The following ULK4 variants were observed in gnomAD, a reference collection of about 807,000 sequenced individuals.
ULK4 encodes unc-51 like kinase 4.
In ULK4, 133 loss-of-function variants were observed where a neutral mutation model predicts 160.6. The ratio of observed to expected loss-of-function variants is 0.83; its 90% CI spans 0.72 to 0.96. The LOEUF is 0.96. Ranked by LOEUF, ULK4 falls within the 40% of genes least tolerant of loss-of-function variation. ULK4 has a pLI of 0.00. For synonymous variants in ULK4, 534 were observed against 539.8 expected, an observed-to-expected ratio of 0.99 and a Z score of 0.15; for missense variants, 1,580 against 1,499.5, an observed-to-expected ratio of 1.05 and a Z score of -0.89.
intron 35 of ULK4, among the ~76,000 whole-genome samples, chr3:41,302,936 A>G (rs2079828431): frequency 6.6e-6 from 1 of 152,192 alleles, no homozygotes; most frequent in African/African-American, 2.4e-5. Context: ...ATTTTATAAT[A>G]TTAAATAATA....
At chr3:41,736,046 A>G (rs1376321297) in intron 22 of ULK4, among the ~76,000 whole-genome samples, 1 of 151,584 alleles carries the variant, frequency 6.6e-6, no homozygotes, top group Non-Finnish European at 1.5e-5. Flanking sequence ...GCTGTATAGT[A>G]TTCCATGGTG....
At position 41,264,336 on chromosome 3, in the gene ULK4, C is replaced by T. The variant is rs530229302; in HGVS notation, c.3679-14762G>A. ...CATGCCAGCGCCAGATCCCTAACCACGCTGACACAGTGCCTCCTCCCCTGC... is the reference window on the plus strand; with the variant it reads ...CATGCCAGCGCCAGATCCCTAACCATGCTGACACAGTGCCTCCTCCCCTGC... On this transcript the variant is annotated intron_variant, in intron 35 of 36. Transcript: ENST00000301831. Among the ~76,000 whole-genome samples, 6 of 152,344 alleles carry T rather than the reference C, an allele frequency of 3.9e-5. No individual in the cohort carries two copies. The South Asian group carries it at 8.3e-4, about 21-fold the overall frequency.
intron 30 of ULK4, among the ~76,000 whole-genome samples, chr3:41,643,654 A>C (rs2034342047): frequency 6.6e-6 from 1 of 152,138 alleles, no homozygotes; most frequent in African/African-American, 2.4e-5. Context: ...CTTTTGGCTT[A>C]GGATTGACTC....
At chr3:41,522,940 C>A (rs1575352280) in intron 32 of ULK4, among the ~76,000 whole-genome samples, 1 of 152,132 alleles carries the variant, frequency 6.6e-6, no homozygotes, top group African/African-American at 2.4e-5. Context: ...GAGACAGAGT[C>A]TTGCTCTATC....
Position 41,494,542 on chromosome 3 carries a change from C to T in ULK4, c.3227-31289G>A, listed in dbSNP as rs2084915309. ...CACAAGACAGGGATGCCCTCTCTCA[C>T]CACTCCTATTCAACATAGTGTTGGA... On this transcript the variant is annotated intron_variant, in intron 32 of 36. Coordinates refer to ENST00000301831, the MANE Select transcript of ULK4 (RefSeq NM_017886.4). Among the ~76,000 whole-genome samples, 4 of 151,510 alleles carry T rather than the reference C, an allele frequency of 2.6e-5. No individual in the cohort carries two copies. In the South Asian group the frequency reaches 8.4e-4, roughly 32 times the overall value.
intron 17 of ULK4, among the ~76,000 whole-genome samples, chr3:41,838,773 C>A (rs917328894): frequency 2.0e-5 from 3 of 152,194 alleles, no homozygotes; most frequent in Admixed American, 2.0e-4. Context: ...GGACGATAAA[C>A]AGACATCCAC....
At chr3:41,484,029 T>C (rs2125899477) in intron 32 of ULK4, among the ~76,000 whole-genome samples, 1 of 152,314 alleles carries the variant, frequency 6.6e-6, no homozygotes, top group African/African-American at 2.4e-5. Context: ...CAGAAGCTTG[T>C]GTCTTTTCTA....
intron 25 of ULK4, among the ~76,000 whole-genome samples, chr3:41,711,091 C>T (rs1171414988): frequency 6.6e-6 from 1 of 152,146 alleles, no homozygotes; most frequent in Non-Finnish European, 1.5e-5. Flanking sequence ...AGCCAGGGAG[C>T]TGCAAGGCTG....
chr3:41,835,729 G>C (rs2125653317), intron 18 of ULK4, 135 bp downstream of exon 18: 1 of 561,250 alleles, frequency 1.8e-6, no homozygotes, highest in East Asian at 3.0e-5. Flanking sequence ...CTCCCCAAGA[G>C]GTAAAATTTA....
At chr3:41,353,859 C>T (rs2080974227) in intron 35 of ULK4, among the ~76,000 whole-genome samples, 1 of 152,008 alleles carries the variant, frequency 6.6e-6, no homozygotes, top group African/African-American at 2.4e-5. Context: ...AGATGCCTCA[C>T]CATCCCTTCC....
At chr3:41,905,388 A>C (rs527281209) in intron 12 of ULK4, among the ~76,000 whole-genome samples, 7 of 152,366 alleles carry the variant, frequency 4.6e-5, no homozygotes, top group African/African-American at 1.7e-4. Flanking sequence ...AACTCTTAGA[A>C]GAAAACATAG....
chr3:41,954,865 C>A (rs1003265683), intron 1 of ULK4, 58 bp from the exon 2 acceptor site: 1 of 1,161,906 alleles, frequency 8.6e-7, no homozygotes, highest in Non-Finnish European at 1.2e-6. Context: ...AATTAATTAG[C>A]CTAGGATAAT....
intron 35 of ULK4, among the ~76,000 whole-genome samples, chr3:41,281,682 A>G (rs1265144366): frequency 6.6e-5 from 10 of 152,208 alleles, no homozygotes; most frequent in Non-Finnish European, 5.9e-5. Flanking sequence ...TGACAAACCC[A>G]CAGCCAATAT....
intron 32 of ULK4, among the ~76,000 whole-genome samples, chr3:41,535,806 G>A (rs1169839413): frequency 6.6e-6 from 1 of 152,170 alleles, no homozygotes; most frequent in Admixed American, 6.5e-5. Flanking sequence ...CAAGCCACAT[G>A]GGCATCCCCT....
At chr3:41,324,837 C>G (rs1220341823) in intron 35 of ULK4, among the ~76,000 whole-genome samples, 1 of 152,186 alleles carries the variant, frequency 6.6e-6, no homozygotes, top group Non-Finnish European at 1.5e-5. Flanking sequence ...TTAGGAGAGT[C>G]TCTTTTGGTT....
intron 25 of ULK4, among the ~76,000 whole-genome samples, chr3:41,709,843 T>C (rs78597750): frequency 0.029 from 4,401 of 152,260 alleles, 194 homozygotes; most frequent in African/African-American, 0.1. Context: ...CTTAAACACA[T>C]GTACGTAAAT....
chr3:41,873,862 T>A (rs527361660), intron 17 of ULK4, among the ~76,000 whole-genome samples: 3 of 149,086 alleles, frequency 2.0e-5, no homozygotes, highest in Non-Finnish European at 4.5e-5. Flanking sequence ...CCTCTAGGTT[T>A]GTTTTTGTGG....
intron 22 of ULK4, among the ~76,000 whole-genome samples, chr3:41,737,738 C>T (rs918131543): frequency 6.6e-6 from 1 of 151,972 alleles, no homozygotes; most frequent in East Asian, 1.9e-4. Context: ...CCTCAGCAAA[C>T]TCATCGTCCA....
At chr3:41,679,142 G>A (rs2035836569) in intron 29 of ULK4, among the ~76,000 whole-genome samples, 3 of 152,058 alleles carry the variant, frequency 2.0e-5, no homozygotes, top group Non-Finnish European at 4.4e-5. Flanking sequence ...TCATTTCCAT[G>A]AAGTATGTAC....
Sources: gnomAD v4.1 joint callset for allele counts (sites outside exome capture counted in the v4.1 genomes callset) on GRCh38, gnomAD v4.1.1 for gene constraint, MANE v1.5 for transcripts, NCBI Gene and HGNC (gene_info 2026-07-23, HGNC 2026-07-21) for gene names.